MGAT4A: variants seen among roughly 807,000 people sequenced by gnomAD.
The protein encoded by MGAT4A is alpha-1,3-mannosyl-glycoprotein 4-beta-N-acetylglucosaminyltransferase A, also known as N-acetylglucosaminyltransferase IVa.
In MGAT4A, 33 loss-of-function variants were observed where a neutral mutation model predicts 74.1. The ratio of observed to expected loss-of-function variants is 0.45; its 90% CI spans 0.34 to 0.60. The LOEUF (loss-of-function observed/expected upper bound fraction) is 0.60, where lower values mean the gene tolerates loss of function less well. Among genes scored for constraint, MGAT4A ranks in the 20% least tolerant of loss-of-function variants. MGAT4A has a pLI of 0.02. For synonymous variants in MGAT4A, 198 were observed against 210.4 expected (o/e 0.94, Z 0.51); for missense variants, 479 against 628.3 (o/e 0.76, Z 2.54).
chr2:98,635,120 G>T, intron 14 of MGAT4A, 102 bp downstream of exon 14: 2 of 817,948 alleles, frequency 2.4e-6, no homozygotes, highest in Non-Finnish European at 3.9e-6. Flanking sequence ...GAGGACACTG[G>T]TAATTGTAAT....
chr2:98,689,020 A>G lies in MGAT4A; in HGVS notation c.95-10549T>C, dbSNP rs141222578. ...TTATAATTATTCATCAATCATTCCT[A>G]ATCATGCTAAAAAAAACTAAATAAA... On this transcript the variant is annotated intron_variant, in intron 2 of 15. Transcript: ENST00000393487. Among the ~76,000 whole-genome samples the G allele has an allele frequency of 4.7e-3, 713 of 152,198 alleles. 5 individuals are homozygous for G. The highest frequency in any genetic ancestry group is 0.016 in the African/African-American group (673 of 41,488).
At chr2:98,710,498 C>T (rs1311032122) in intron 2 of MGAT4A, among the ~76,000 whole-genome samples, 1 of 152,164 alleles carries the variant, frequency 6.6e-6, no homozygotes, top group Non-Finnish European at 1.5e-5. Context: ...CTCACTCCAT[C>T]ACCTAGGCTG....
intron 4 of MGAT4A, among the ~76,000 whole-genome samples, chr2:98,663,947 C>T (rs1263152127): frequency 1.8e-4 from 27 of 152,108 alleles, no homozygotes; most frequent in Admixed American, 1.6e-3. Flanking sequence ...GTGGTTCACG[C>T]CTGTAATCCC....
intron 1 of MGAT4A, among the ~76,000 whole-genome samples, chr2:98,728,167 A>G (rs1702792138): frequency 6.6e-6 from 1 of 152,222 alleles, no homozygotes; most frequent in South Asian, 2.1e-4. Flanking sequence ...GGAAATTTTC[A>G]AAGTGTATGT....
At chr2:98,675,948 G>A (rs1207011500) in intron 3 of MGAT4A, among the ~76,000 whole-genome samples, 1 of 152,084 alleles carries the variant, frequency 6.6e-6, no homozygotes, top group East Asian at 1.9e-4. Context: ...AACAGCACAA[G>A]TTGAGAATAT....
At position 98,621,411 on chromosome 2, in the gene MGAT4A, C is replaced by T. The variant is rs191912825; in HGVS notation, c.*4155G>A. On this transcript the variant is annotated 3_prime_UTR_variant, in exon 16 of 16. Coordinates refer to ENST00000393487, the MANE Select transcript of MGAT4A (RefSeq NM_012214.3). ...CTCCTCAAAGCCATGTGCATTCCTT[C>T]TCATGCAGCCCCCTCTACCTTAAAA... 1,382 of 1,551,200 alleles carry T rather than the reference C, an allele frequency of 8.9e-4. 15 individuals carry two copies. The highest frequency in any genetic ancestry group is 1.8e-4 in the Admixed American group (9 of 50,958).
At chr2:98,650,481 A>AT (rs1416173785) in intron 8 of MGAT4A, among the ~76,000 whole-genome samples, 1 of 152,206 alleles carries the variant, frequency 6.6e-6, no homozygotes, top group Non-Finnish European at 1.5e-5. Context: ...CCTGAAAGCC[A>AT]TAAGAGGAAA....
intron 5 of MGAT4A, among the ~76,000 whole-genome samples, chr2:98,661,761 T>C (rs894493880): frequency 6.6e-6 from 1 of 152,224 alleles, no homozygotes; most frequent in African/African-American, 2.4e-5. Context: ...TTTACCCATC[T>C]CTGATCACCT....
intron 4 of MGAT4A, among the ~76,000 whole-genome samples, chr2:98,666,835 C>T (rs1001099069): frequency 6.6e-6 from 1 of 152,144 alleles, no homozygotes; most frequent in Non-Finnish European, 1.5e-5. Context: ...GGCATAAAGT[C>T]ACAATGCAAA....
intron 5 of MGAT4A, among the ~76,000 whole-genome samples, chr2:98,662,778 T>G (rs1420633927): frequency 6.6e-6 from 1 of 152,162 alleles, no homozygotes; most frequent in Admixed American, 6.5e-5. Flanking sequence ...TCTCCAAATT[T>G]AAGTCTTAGA....
intron 2 of MGAT4A, among the ~76,000 whole-genome samples, chr2:98,717,195 C>T (rs1702604329): frequency 6.6e-6 from 1 of 152,090 alleles, no homozygotes; most frequent in Non-Finnish European, 1.5e-5. Flanking sequence ...GCCTGGCCAA[C>T]ATGGTGAAAC....
At position 98,620,583 on chromosome 2, in the gene MGAT4A, C is replaced by T. The variant is rs1701048109; in HGVS notation, c.*4983G>A. On this transcript the variant is annotated 3_prime_UTR_variant, in exon 16 of 16. Coordinates refer to ENST00000393487, the MANE Select transcript of MGAT4A (RefSeq NM_012214.3). ...CAGAGAGGTATTTGCAAAACATTCTCAAACTACAAACATTTGGCTGGCCCA... is the reference window on the plus strand; with the variant it reads ...CAGAGAGGTATTTGCAAAACATTCTTAAACTACAAACATTTGGCTGGCCCA... The T allele has an allele frequency of 6.6e-6, 1 of 152,158 alleles. No individual in the cohort carries two copies. The allele number at this position is 152,158 out of a possible 1,614,324, so 9.4% of individuals were successfully genotyped here.
intron 4 of MGAT4A, among the ~76,000 whole-genome samples, chr2:98,674,806 G>A (rs1701956357): frequency 6.6e-6 from 1 of 152,146 alleles, no homozygotes; most frequent in Non-Finnish European, 1.5e-5. Flanking sequence ...TGTCTGCCTG[G>A]GATGGGGCCT....
rs369637199 is a variant in MGAT4A at position 98,667,259 on chromosome 2, T to C, written c.404-4080A>G. On this transcript the variant is annotated intron_variant, in intron 4 of 15. Coordinates refer to ENST00000393487, the MANE Select transcript of MGAT4A (RefSeq NM_012214.3). The stretch of plus-strand genomic sequence containing the variant: ...TATGTCTTTATCAGCAGCATGAAAA[T>C]AGACTAATACAGTAAATTGGTACCA... Among the ~76,000 whole-genome samples, 24 of 152,232 alleles carry C rather than the reference T, an allele frequency of 1.6e-4. 1 individual carries two copies. Among genetic ancestry groups the C allele is most frequent in the African/African-American group, 4.6e-4 (19 of 41,530 alleles).
At chr2:98,664,762 C>A (rs1701800289) in intron 4 of MGAT4A, among the ~76,000 whole-genome samples, 1 of 152,096 alleles carries the variant, frequency 6.6e-6, no homozygotes, top group Admixed American at 6.5e-5. Flanking sequence ...GGTTCTTATC[C>A]TTTTTTATAG....
intron 12 of MGAT4A, among the ~76,000 whole-genome samples, chr2:98,637,420 T>G (rs1701339765): frequency 6.6e-6 from 1 of 152,080 alleles, no homozygotes; most frequent in Non-Finnish European, 1.5e-5. Context: ...AAAAGTAAAT[T>G]AACCTCTTAA....
At chr2:98,700,604 A>G (rs908849189) in intron 2 of MGAT4A, among the ~76,000 whole-genome samples, 1 of 152,134 alleles carries the variant, frequency 6.6e-6, no homozygotes, top group African/African-American at 2.4e-5. Flanking sequence ...AGTCTATTAC[A>G]TGTTGGCTGG....
chr2:98,721,656 C>T (rs566249182), intron 2 of MGAT4A, among the ~76,000 whole-genome samples: 160 of 152,062 alleles, frequency 1.1e-3, no homozygotes, highest in Non-Finnish European at 1.4e-3. Flanking sequence ...AAGGAACAGA[C>T]CTACATAGGA....
chr2:98,638,469 G>T (rs1435833903), intron 12 of MGAT4A, among the ~76,000 whole-genome samples: 1 of 152,120 alleles, frequency 6.6e-6, no homozygotes, highest in Non-Finnish European at 1.5e-5. Flanking sequence ...TATTTTTGAT[G>T]ACTGCTTACA....
Sources: gnomAD v4.1 joint callset for allele counts (sites outside exome capture counted in the v4.1 genomes callset) on GRCh38, gnomAD v4.1.1 for gene constraint, MANE v1.5 for transcripts, NCBI Gene and HGNC (gene_info 2026-07-23, HGNC 2026-07-21) for gene names.